The following HCN1 variants were observed in gnomAD, a reference collection of about 807,000 sequenced individuals.
HCN1 encodes the protein potassium/sodium hyperpolarization-activated cyclic nucleotide-gated channel 1.
A neutral mutation model predicts 78.9 loss-of-function variants in HCN1; 13 were observed. That is an observed-to-expected ratio of 0.16 (90% CI 0.11 to 0.26). The LOEUF (loss-of-function observed/expected upper bound fraction) is 0.26. Ranked by LOEUF, HCN1 falls within the 10% of genes least tolerant of loss-of-function variation. HCN1 has a pLI of 1.00. For synonymous variants in HCN1, 552 were observed against 455.5 expected (o/e 1.21, Z -2.70); for missense variants, 810 against 1,154.3 (o/e 0.70, Z 4.32).
At chr5:45,615,414 C>T (rs765389745) in intron 2 of HCN1, among the ~76,000 whole-genome samples, 3 of 151,964 alleles carry the variant, frequency 2.0e-5, no homozygotes, top group African/African-American at 7.2e-5. Context: ...AGAAACAATA[C>T]TGGGATATGT....
In HCN1 at chr5:45,419,400, G is replaced by T. The variant is rs556999791; in HGVS notation, c.1012-22690C>A. Among the ~76,000 whole-genome samples, 10 of 152,244 alleles carry T rather than the reference G, an allele frequency of 6.6e-5. No homozygotes were observed. The South Asian group carries it at 1.7e-3, about 25-fold the overall frequency. ...AGAGTGTGCTAATTAGAAACCTAAA[G>T]GAGTACTGATAACCAGGACGCCAAG... On this transcript the variant is annotated intron_variant, in intron 3 of 7. Coordinates refer to ENST00000303230, the MANE Select transcript of HCN1 (RefSeq NM_021072.4).
chr5:45,407,538 A>G (rs1403619384), intron 3 of HCN1, among the ~76,000 whole-genome samples: 1 of 152,004 alleles, frequency 6.6e-6, no homozygotes, highest in African/African-American at 2.4e-5. Context: ...TTATTTTTTT[A>G]GACAGAGTCT....
intron 5 of HCN1, among the ~76,000 whole-genome samples, chr5:45,308,020 G>A (rs894341367): frequency 6.6e-6 from 1 of 152,074 alleles, no homozygotes; most frequent in South Asian, 2.1e-4. Flanking sequence ...GGGAGGAGGT[G>A]TTTCAGTCAT....
At chr5:45,288,379 T>C (rs1422541585) in intron 6 of HCN1, among the ~76,000 whole-genome samples, 1 of 151,994 alleles carries the variant, frequency 6.6e-6, no homozygotes, top group East Asian at 1.9e-4. Flanking sequence ...GAAGACATTT[T>C]GGATGTTTCA....
chr5:45,659,588 C>T (rs1379751638), intron 1 of HCN1, among the ~76,000 whole-genome samples: 1 of 146,352 alleles, frequency 6.8e-6, no homozygotes, highest in East Asian at 2.0e-4. Context: ...ACTAGAATAA[C>T]CAATACAGAG....
chr5:45,451,059 A>G (rs1224744429), intron 3 of HCN1, among the ~76,000 whole-genome samples: 1 of 152,164 alleles, frequency 6.6e-6, no homozygotes, highest in African/African-American at 2.4e-5. Flanking sequence ...TAATTCCTGT[A>G]CAACACTAAA....
intron 5 of HCN1, among the ~76,000 whole-genome samples, chr5:45,304,901 T>C (rs569450620): frequency 1.3e-5 from 2 of 152,252 alleles, no homozygotes; most frequent in South Asian, 4.1e-4. Flanking sequence ...GTTAGACATA[T>C]TTTTATCCCT....
chr5:45,434,292 C>A (rs376923693), intron 3 of HCN1, among the ~76,000 whole-genome samples: 2 of 152,118 alleles, frequency 1.3e-5, no homozygotes, highest in Admixed American at 6.6e-5. Flanking sequence ...ATTGGTAATA[C>A]CCTTGGAGAC....
chr5:45,387,951 C>T (rs1747961360), intron 4 of HCN1, among the ~76,000 whole-genome samples: 1 of 152,072 alleles, frequency 6.6e-6, no homozygotes, highest in African/African-American at 2.4e-5. Context: ...AATGTTTATT[C>T]GTGCAACTTT....
chr5:45,596,908 G>A (rs944017360), intron 2 of HCN1, among the ~76,000 whole-genome samples: 3 of 152,118 alleles, frequency 2.0e-5, no homozygotes, highest in Non-Finnish European at 2.9e-5. Flanking sequence ...AAGAATAGGT[G>A]TTTAATATTT....
At chr5:45,492,511 G>GTTTTTTTT (rs1161210401) in intron 2 of HCN1, among the ~76,000 whole-genome samples, 1 of 99,304 alleles carries the variant, frequency 1.0e-5, no homozygotes, top group Non-Finnish European at 1.9e-5. Context: ...ACCAGCAACA[G>GTTTTTTTT]TTTTTTTGTT....
At chr5:45,265,840 A>C (rs1744844816) in intron 7 of HCN1, among the ~76,000 whole-genome samples, 1 of 152,176 alleles carries the variant, frequency 6.6e-6, no homozygotes, top group South Asian at 2.1e-4. Context: ...TACATTGACA[A>C]ATTTAGCATC....
At chr5:45,535,284 T>C (rs910938484) in intron 2 of HCN1, among the ~76,000 whole-genome samples, 5 of 152,288 alleles carry the variant, frequency 3.3e-5, no homozygotes, top group Admixed American at 2.6e-4. Flanking sequence ...TTTGATGATA[T>C]CTTCTCAAAT....
intron 5 of HCN1, among the ~76,000 whole-genome samples, chr5:45,339,380 G>A (rs1319613748): frequency 6.6e-6 from 1 of 152,178 alleles, no homozygotes; most frequent in East Asian, 1.9e-4. Flanking sequence ...TAGAAGGTAA[G>A]CTGAGTAGAA....
intron 3 of HCN1, among the ~76,000 whole-genome samples, chr5:45,437,043 T>C (rs1316611453): frequency 6.6e-6 from 1 of 152,216 alleles, no homozygotes; most frequent in African/African-American, 2.4e-5. Context: ...CCCATGTGTA[T>C]ATGGCAAATC....
intron 2 of HCN1, among the ~76,000 whole-genome samples, chr5:45,605,085 T>A (rs977659510): frequency 5.3e-5 from 8 of 152,004 alleles, no homozygotes; most frequent in Non-Finnish European, 8.8e-5. Context: ...AAGTATAAAG[T>A]CTTCCTGTTT....
At chr5:45,547,250 C>T (rs971717795) in intron 2 of HCN1, among the ~76,000 whole-genome samples, 1 of 151,828 alleles carries the variant, frequency 6.6e-6, no homozygotes, top group Non-Finnish European at 1.5e-5. Context: ...GAAAAGGAGG[C>T]TAACTCATAC....
At chr5:45,577,668 T>C (rs1268811725) in intron 2 of HCN1, among the ~76,000 whole-genome samples, 2 of 152,026 alleles carry the variant, frequency 1.3e-5, no homozygotes, top group African/African-American at 4.8e-5. Context: ...TTCTAGTTAT[T>C]TTAACAACTA....
intron 1 of HCN1, among the ~76,000 whole-genome samples, chr5:45,689,279 C>G (rs959799275): frequency 1.2e-4 from 18 of 151,692 alleles, no homozygotes; most frequent in Non-Finnish European, 2.7e-4. Context: ...CACATTTACC[C>G]CTGAAGTTAA....
Sources: gnomAD v4.1 joint callset for allele counts (sites outside exome capture counted in the v4.1 genomes callset) on GRCh38, gnomAD v4.1.1 for gene constraint, MANE v1.5 for transcripts, NCBI Gene and HGNC (gene_info 2026-07-23, HGNC 2026-07-21) for gene names.